RBFOX1: variants seen among roughly 807,000 people sequenced by gnomAD.
RBFOX1 encodes the protein RNA binding fox-1 homolog 1.
In RBFOX1, 8 loss-of-function variants were observed where a neutral mutation model predicts 57.7. The observed-to-expected ratio is 0.14, with a 90% CI of 0.08 to 0.25. The LOEUF is 0.25. Among genes scored for constraint, RBFOX1 ranks in the 10% least tolerant of loss-of-function variants. The pLI, the probability that RBFOX1 is intolerant of heterozygous loss-of-function variation, is 1.00. For missense variants in RBFOX1, 611 were observed against 548.5 expected (o/e 1.11, Z -1.14); for synonymous variants, 326 against 222.4 (o/e 1.47, Z -4.15).
intron 3 of RBFOX1, among the ~76,000 whole-genome samples, chr16:5,835,488 C>G (rs537427565): frequency 1.1e-3 from 175 of 152,302 alleles, no homozygotes; most frequent in African/African-American, 4.0e-3. Context: ...TTGTAGGTAT[C>G]AACATCCTGC....
chr16:5,386,198 C>T (rs1331237407), intron 1 of RBFOX1, among the ~76,000 whole-genome samples: 1 of 150,978 alleles, frequency 6.6e-6, no homozygotes, highest in Non-Finnish European at 1.5e-5. Flanking sequence ...AAAATAGGAA[C>T]TAAAATTGGC....
chr16:5,758,099 C>G (rs904906554), intron 3 of RBFOX1, among the ~76,000 whole-genome samples: 14 of 152,172 alleles, frequency 9.2e-5, no homozygotes, highest in Non-Finnish European at 2.9e-5. Flanking sequence ...AGGCTGACCA[C>G]CCATATGTGT....
At chr16:7,514,108 C>G (rs1375966519) in intron 4 of RBFOX1, among the ~76,000 whole-genome samples, 1 of 152,094 alleles carries the variant, frequency 6.6e-6, no homozygotes, top group Non-Finnish European at 1.5e-5. Flanking sequence ...AAAACATTTT[C>G]CACAAAGGAC....
Position 6,405,606 on chromosome 16 carries a change from G to T in RBFOX1, c.-64+88549G>T, listed in dbSNP as rs180810444. 3.5e-4 allele frequency among the ~76,000 whole-genome samples: 54 copies of T among 152,274 alleles called. No homozygotes were observed. The East Asian group carries it at 9.3e-3, about 26-fold the overall frequency. ...GGCCCCACCTAACAAGGTGGAATGA[G>T]AATGCTGCTCTTCTGTAGCCATAAA... On this transcript the variant is annotated intron_variant, in intron 2 of 15. Coordinates refer to ENST00000550418, the MANE Select transcript of RBFOX1 (RefSeq NM_018723.4).
chr16:7,164,142 GA>G (rs1377653280), intron 4 of RBFOX1, among the ~76,000 whole-genome samples: 1 of 151,998 alleles, frequency 6.6e-6, no homozygotes, highest in Non-Finnish European at 1.5e-5. Context: ...AGAGTCCCCA[GA>G]ATCCACTGTA....
intron 4 of RBFOX1, among the ~76,000 whole-genome samples, chr16:7,408,948 C>T (rs888765744): frequency 1.3e-5 from 2 of 152,188 alleles, no homozygotes; most frequent in Non-Finnish European, 2.9e-5. Context: ...TGCATGTTGT[C>T]ATCCCAGGTG....
At chr16:5,310,830 CTCTTT>C (rs1467380672) in intron 1 of RBFOX1, among the ~76,000 whole-genome samples, 2 of 152,162 alleles carry the variant, frequency 1.3e-5, no homozygotes, top group East Asian at 1.9e-4. Flanking sequence ...ATGAAGTACA[CTCTTT>C]TCTTTAAAAT....
intron 14 of RBFOX1, among the ~76,000 whole-genome samples, chr16:7,689,820 T>C (rs930301294): frequency 1.6e-4 from 24 of 152,212 alleles, no homozygotes; most frequent in Admixed American, 1.2e-3. Context: ...GAGTATGATA[T>C]GGCCACTGTA....
At chr16:5,419,325 G>C (rs1424082916) in intron 1 of RBFOX1, among the ~76,000 whole-genome samples, 5 of 152,154 alleles carry the variant, frequency 3.3e-5, no homozygotes, top group Non-Finnish European at 7.4e-5. Context: ...GAAGAACTTG[G>C]AGTCTGATGT....
intron 10 of RBFOX1, among the ~76,000 whole-genome samples, chr16:7,629,083 C>G (rs2060522085): frequency 6.6e-6 from 1 of 152,126 alleles, no homozygotes; most frequent in Admixed American, 6.5e-5. Context: ...TGGCTGTTCT[C>G]CAGCTATAAG....
chr16:7,693,252 A>C, intron 14 of RBFOX1: 3 of 1,434,516 alleles, frequency 2.1e-6, no homozygotes, highest in Non-Finnish European at 3.0e-6. Context: ...ACATCGAAGC[A>C]ATTGGCAGAG....
chr16:6,353,606 C>G (rs1013568673), intron 2 of RBFOX1, among the ~76,000 whole-genome samples: 1 of 152,002 alleles, frequency 6.6e-6, no homozygotes, highest in African/African-American at 2.4e-5. Context: ...GTGGGGGATT[C>G]AAAGACTTAT....
intron 5 of RBFOX1, among the ~76,000 whole-genome samples, chr16:7,545,468 A>C (rs2084197140): frequency 6.6e-6 from 1 of 152,020 alleles, no homozygotes; most frequent in African/African-American, 2.4e-5. Flanking sequence ...TCAAAACCCC[A>C]GCCCTGGCAC....
chr16:5,496,571 A>G (rs1445906487), intron 2 of RBFOX1, among the ~76,000 whole-genome samples: 1 of 152,106 alleles, frequency 6.6e-6, no homozygotes, highest in Non-Finnish European at 1.5e-5. Context: ...TTTAGGAGGA[A>G]GCTTGCTTTT....
rs201029299 is a variant in RBFOX1, at chr16:6,471,593, A to C, written c.-64+154536A>C. 5.7e-3 allele frequency among the ~76,000 whole-genome samples: 861 copies of C among 152,080 alleles called. 30 individuals carry two copies. The East Asian group carries it at 0.12, about 21-fold the overall frequency. ...GCTTATAATTGGAAAAAAAAAAAAA[A>C]AACCTCTAGTGGCAGAGAATTTGTA... On this transcript the variant is annotated intron_variant, in intron 2 of 15. Coordinates refer to ENST00000550418, the MANE Select transcript of RBFOX1 (RefSeq NM_018723.4).
chr16:7,693,416 C>CTTTTTT (rs60812796), intron 14 of RBFOX1: 284 of 783,102 alleles, frequency 3.6e-4, no homozygotes, highest in East Asian at 1.3e-3. Context: ...TCTCAGTATC[C>CTTTTTT]TTTTTTTTTT....
chr16:6,195,043 C>G (rs1176040552), intron 1 of RBFOX1, among the ~76,000 whole-genome samples: 1 of 152,046 alleles, frequency 6.6e-6, no homozygotes, highest in Non-Finnish European at 1.5e-5. Flanking sequence ...TTCCTTGCCC[C>G]CAAATCTTTC....
At chr16:7,279,484 G>A (rs986442411) in intron 4 of RBFOX1, among the ~76,000 whole-genome samples, 2 of 152,182 alleles carry the variant, frequency 1.3e-5, no homozygotes, top group South Asian at 2.1e-4. Flanking sequence ...TGAGCGCAGC[G>A]TCCAGGTTGC....
At chr16:5,665,239 C>G (rs535764706) in intron 3 of RBFOX1, among the ~76,000 whole-genome samples, 98 of 152,218 alleles carry the variant, frequency 6.4e-4, no homozygotes, top group Non-Finnish European at 1.3e-4. Context: ...GCAGGAGCCA[C>G]TGCTTCTGGC....
Sources: allele counts gnomAD v4.1 joint callset (sites outside exome capture counted in the v4.1 genomes callset), GRCh38; gene constraint gnomAD v4.1.1; transcripts MANE v1.5; gene names NCBI Gene and HGNC (gene_info 2026-07-23, HGNC 2026-07-21).